The following ANO1 variants were observed in gnomAD, a reference collection of about 807,000 sequenced individuals.
The protein encoded by ANO1 is anoctamin 1.
ANO1 carries 59 observed loss-of-function variants against 124.0 expected under a neutral mutation model. The ratio of observed to expected loss-of-function variants is 0.48; its 90% CI spans 0.39 to 0.59. ANO1 has a LOEUF of 0.59. Ranked by LOEUF, ANO1 falls within the 20% of genes least tolerant of loss-of-function variation. The pLI is 0.00. For synonymous variants in ANO1, 529 were observed against 532.0 expected (o/e 0.99, Z 0.08); for missense variants, 1,059 against 1,328.0 (o/e 0.80, Z 3.15).
At chr11:70,079,830 C>T (rs945556737) in intron 1 of ANO1, among the ~76,000 whole-genome samples, 4 of 152,356 alleles carry the variant, frequency 2.6e-5, no homozygotes, top group South Asian at 4.1e-4. Context: ...CCAGCGACAG[C>T]AGGGACTCTG....
chr11:69,981,687 T>C (rs1266503836), upstream of ANO1, among the ~76,000 whole-genome samples: 3 of 152,202 alleles, frequency 2.0e-5, no homozygotes, highest in African/African-American at 7.2e-5. Flanking sequence ...CCGCTAGCCC[T>C]GCGCAGCCAC....
intron 1 of ANO1, among the ~76,000 whole-genome samples, chr11:70,082,970 C>T (rs2044248165): frequency 6.6e-6 from 1 of 152,214 alleles, no homozygotes; most frequent in Non-Finnish European, 1.5e-5. Context: ...TCCAGGGTCA[C>T]ACAGCAAATC....
intron 9 of ANO1, among the ~76,000 whole-genome samples, chr11:70,124,927 T>G (rs1348297720): frequency 6.6e-6 from 1 of 152,196 alleles, no homozygotes; most frequent in Admixed American, 6.5e-5. Flanking sequence ...CGGCCAAGGT[T>G]CTTTCCAGTC....
At chr11:69,984,667 G>A (rs1163966614), upstream of ANO1, among the ~76,000 whole-genome samples, 2 of 152,150 alleles carry the variant, frequency 1.3e-5, no homozygotes, top group Non-Finnish European at 2.9e-5. Context: ...GATGCCTTCC[G>A]CGGGGATGTG....
upstream of ANO1, among the ~76,000 whole-genome samples, chr11:70,076,324 C>T (rs78285825): frequency 0.062 from 9,462 of 152,192 alleles, 311 homozygotes; most frequent in Middle Eastern, 0.13. Flanking sequence ...AGGAGATGGC[C>T]CCCCAGCAGG....
chr11:70,089,417 T>C (rs1036043816), intron 2 of ANO1, among the ~76,000 whole-genome samples: 9 of 152,158 alleles, frequency 5.9e-5, no homozygotes, highest in Non-Finnish European at 1.3e-4. Context: ...ACGCCTCTGT[T>C]TTGTGACAAG....
chr11:70,165,454 T>C lies in ANO1; in HGVS notation c.1951-16T>C. The C allele has an allele frequency of 3.1e-6, 5 of 1,598,350 alleles. No homozygotes were observed. Among genetic ancestry groups the C allele is most frequent in the Non-Finnish European group, 4.3e-6 (5 of 1,172,108 alleles). On this transcript the variant is annotated splice_polypyrimidine_tract_variant and intron_variant, in intron 19 of 25. Coordinates refer to ENST00000355303, the MANE Select transcript of ANO1 (RefSeq NM_018043.7). ...GGTGTCCCTGTAGCGTGGCTGATGCTGCTCTCTGTCCACAGTGTGCGCCAG... is the reference window on the plus strand; with the variant it reads ...GGTGTCCCTGTAGCGTGGCTGATGCCGCTCTCTGTCCACAGTGTGCGCCAG...
chr11:70,095,765 G>A (rs2044927776), intron 2 of ANO1, among the ~76,000 whole-genome samples: 1 of 152,186 alleles, frequency 6.6e-6, no homozygotes, highest in Non-Finnish European at 1.5e-5. Flanking sequence ...ACCCCCGCCG[G>A]AGCCCCTCAC....
At chr11:69,975,973 G>A in the ANO1 span, among the ~76,000 whole-genome samples, 3 of 152,248 alleles carry the variant, frequency 2.0e-5, no homozygotes, top group South Asian at 2.1e-4. Flanking sequence ...TGTCCTCTGC[G>A]CCCTGGGGTG....
intron 1 of ANO1, among the ~76,000 whole-genome samples, chr11:70,001,775 G>A (rs1856386215): frequency 4.8e-5 from 2 of 41,302 alleles, no homozygotes; most frequent in Non-Finnish European, 1.4e-4. Context: ...TCAATAAGAT[G>A]TGTGTGTGTG....
At chr11:70,059,034 C>T (rs10897625) in intron 1 of ANO1, among the ~76,000 whole-genome samples, 90,336 of 150,062 alleles carry the variant, frequency 0.6, 27,570 homozygotes, top group East Asian at 0.91. Context: ...AAAAAAAAAA[C>T]ACAAAAAATT....
intron 9 of ANO1, 52 bp downstream of exon 9, chr11:70,124,466 C>A: frequency 1.3e-6 from 2 of 1,557,808 alleles, no homozygotes; most frequent in Non-Finnish European, 1.8e-6. Flanking sequence ...CGATGGCAGT[C>A]GGATAACATC....
In ANO1 at chr11:70,126,106, C is replaced by G; in HGVS notation, c.1008C>G (p.Gly336=). ...TCGGCCTGTACTTCGCCTGGCTGGG[C>G]GTGTACACCCAGATGCTCATCCCTG... ...EKIGLYFAWL[G]VYTQMLIPAS... is the part of the protein sequence containing the mutation. Residue 336 remains glycine (G), a synonymous_variant, in exon 10 of 26, where the codon GGC becomes GGG. Coordinates refer to ENST00000355303, the MANE Select transcript of ANO1 (RefSeq NM_018043.7). 1 of 1,613,264 alleles carries G rather than the reference C, an allele frequency of 6.2e-7. No homozygotes were observed. Among genetic ancestry groups the G allele is most frequent in the Non-Finnish European group, 8.5e-7 (1 of 1,179,556 alleles).
intron 2 of ANO1, among the ~76,000 whole-genome samples, chr11:70,101,586 A>AG: frequency 4.1e-5 from 1 of 24,462 alleles, no homozygotes; most frequent in East Asian, 1.3e-3. Context: ...ATTAAAAACC[A>AG]AAAAAAAAAA....
chr11:70,110,471 C>A lies in ANO1; in HGVS notation c.800-1236C>A, dbSNP rs148090103. Among the ~76,000 whole-genome samples, 500 of 152,260 alleles carry A rather than the reference C, an allele frequency of 3.3e-3. 8 individuals carry two copies. Among genetic ancestry groups the A allele is most frequent in the African/African-American group, 0.011 (453 of 41,558 alleles). On this transcript the variant is annotated intron_variant, in intron 6 of 25. Transcript: ENST00000355303. ...AAAGTGCTGGGATTACAGGCGTGAG[C>A]CACTGTGCCGGGCCCCCATGTTCAC...
chr11:70,147,468 G>A (rs11235420), intron 11 of ANO1, among the ~76,000 whole-genome samples: 38,766 of 152,158 alleles, frequency 0.25, 5,572 homozygotes, highest in East Asian at 0.43. Context: ...ATGGTGCTCA[G>A]TGCGTGTCTG....
At chr11:69,987,934 C>T (rs1856079584) in intron 1 of ANO1, among the ~76,000 whole-genome samples, 1 of 152,198 alleles carries the variant, frequency 6.6e-6, no homozygotes, top group African/African-American at 2.4e-5. Context: ...GAGAGCAGGC[C>T]TTTCCTGTCC....
chr11:70,014,078 T>C (rs1856653684), intron 1 of ANO1, among the ~76,000 whole-genome samples: 1 of 152,070 alleles, frequency 6.6e-6, no homozygotes, highest in African/African-American at 2.4e-5. Context: ...CAGGGTCCCA[T>C]GGGGCCGTAG....
At chr11:69,970,252 C>A in the ANO1 span, among the ~76,000 whole-genome samples, 1 of 152,290 alleles carries the variant, frequency 6.6e-6, no homozygotes, top group East Asian at 1.9e-4. Flanking sequence ...CAGAACCCCG[C>A]GGCCACAGTG....
Sources: gnomAD v4.1 joint callset for allele counts (sites outside exome capture counted in the v4.1 genomes callset) on GRCh38, gnomAD v4.1.1 for gene constraint, MANE v1.5 for transcripts, NCBI Gene and HGNC (gene_info 2026-07-23, HGNC 2026-07-21) for gene names.